The following PTP4A2 variants were observed in gnomAD, a reference collection of about 807,000 sequenced individuals.
The protein encoded by PTP4A2 is protein tyrosine phosphatase 4A2.
A neutral mutation model predicts 22.9 loss-of-function variants in PTP4A2; 2 were observed. The observed-to-expected ratio is 0.09, with a 90% CI of 0.04 to 0.27. The LOEUF (loss-of-function observed/expected upper bound fraction) is 0.27, where lower values mean the gene tolerates loss of function less well. PTP4A2 is among the 10% of genes least tolerant of loss of function. The probability of loss-of-function intolerance (pLI) is 1.00; values close to 1 mark genes in which losing one functional copy is unlikely to be tolerated. For synonymous variants in PTP4A2, 68 were observed against 69.1 expected (o/e 0.98, Z 0.08); for missense variants, 103 against 205.1 (o/e 0.50, Z 3.04).
At position 31,908,906 on chromosome 1, in the gene PTP4A2, T is replaced by C. The variant is rs1651383315; in HGVS notation, c.450A>G (p.Arg150=). ...CTCTGAAGCGTAATCGCATCTTAGG[T>C]CGGTATTTCTCCAAATAAAGCAGCT... The part of the protein sequence containing the change: ...SKQLLYLEKY[R]PKMRLRFRDT... Residue 150 remains arginine (R), a synonymous_variant, in exon 6 of 6, where the codon CGA becomes CGG. Coordinates refer to ENST00000647444, the MANE Select transcript of PTP4A2 (RefSeq NM_080391.4). 1 of 1,614,064 alleles carries C rather than the reference T, an allele frequency of 6.2e-7. No homozygotes were observed. Among genetic ancestry groups the C allele is most frequent in the Non-Finnish European group, 8.5e-7 (1 of 1,179,978 alleles).
At position 31,925,601 on chromosome 1, in the gene PTP4A2, T is replaced by C. The variant is rs373217047; in HGVS notation, c.-593-5943A>G. Reference sequence around the variant, plus strand: ...GGTGAAACCCCGTCTCCACTAAAAATACAAAAAAATTAGTCGGGTGTGGTG... The same window carrying C: ...GGTGAAACCCCGTCTCCACTAAAAACACAAAAAAATTAGTCGGGTGTGGTG... On this transcript the variant is annotated intron_variant, in intron 1 of 5. Transcript: ENST00000647444. Among the ~76,000 whole-genome samples, 565 of 151,596 alleles carry C rather than the reference T, an allele frequency of 3.7e-3. 3 individuals carry two copies. Among genetic ancestry groups the C allele is most frequent in the African/African-American group, 0.013 (522 of 41,262 alleles).
intron 1 of PTP4A2, among the ~76,000 whole-genome samples, chr1:31,929,827 A>G (rs942029449): frequency 6.6e-6 from 1 of 152,240 alleles, no homozygotes; most frequent in Non-Finnish European, 1.5e-5. Context: ...AGTAGTAAAA[A>G]TCCAAAAGAA....
chr1:31,922,622 CT>C (rs1553211689), intron 1 of PTP4A2, among the ~76,000 whole-genome samples: 1 of 111,020 alleles, frequency 9.0e-6, no homozygotes, highest in East Asian at 3.5e-4. Context: ...TTCTTTCTTT[CT>C]TTCTTTCTTT....
chr1:31,931,595 G>A (rs1229365977), intron 1 of PTP4A2, among the ~76,000 whole-genome samples: 3 of 152,242 alleles, frequency 2.0e-5, no homozygotes, highest in Non-Finnish European at 4.4e-5. Context: ...AACAGATAAC[G>A]AGTTTAACTA....
intron 1 of PTP4A2, among the ~76,000 whole-genome samples, chr1:31,928,678 CAG>C (rs1225827956): frequency 1.7e-5 from 2 of 116,020 alleles, no homozygotes; most frequent in African/African-American, 6.9e-5. Context: ...GCCTGGGTGA[CAG>C]AGTGAAACTC....
chr1:31,935,447 T>A (rs886545208), intron 1 of PTP4A2: 3 of 152,208 alleles, frequency 2.0e-5, no homozygotes, highest in African/African-American at 7.2e-5. Context: ...GGCCATCACG[T>A]TGATGAGAAA....
At chr1:31,932,815 T>C (rs1457442655) in intron 1 of PTP4A2, 10 of 151,242 alleles carry the variant, frequency 6.6e-5, no homozygotes, top group Admixed American at 6.6e-4. Flanking sequence ...AAAAAGATTT[T>C]CACACAATAT....
chr1:31,935,100 C>T (rs1364562127), intron 1 of PTP4A2, among the ~76,000 whole-genome samples: 8 of 152,214 alleles, frequency 5.3e-5, no homozygotes, highest in Admixed American at 3.9e-4. Flanking sequence ...AAGTGTCCCA[C>T]ACAGCTCAAC....
chr1:31,928,173 T>C (rs957340804), intron 1 of PTP4A2, among the ~76,000 whole-genome samples: 1 of 147,388 alleles, frequency 6.8e-6, no homozygotes. Flanking sequence ...ATATTATATA[T>C]AACAAATATA....
intron 1 of PTP4A2, 98 bp from the exon 2 acceptor site, chr1:31,919,756 A>T (rs1369499243): frequency 6.6e-6 from 1 of 152,440 alleles, no homozygotes; most frequent in Non-Finnish European, 1.5e-5. Flanking sequence ...GCCCAAAGCG[A>T]TGTGAAATGT....
chr1:31,925,438 A>C (rs1177039206), intron 1 of PTP4A2, among the ~76,000 whole-genome samples: 1 of 152,190 alleles, frequency 6.6e-6, no homozygotes, highest in Non-Finnish European at 1.5e-5. Flanking sequence ...TGCCTTGGCA[A>C]CTGTAATTCT....
At chr1:31,910,169 A>T (rs529915055) in intron 4 of PTP4A2, 57 bp from the exon 5 acceptor site, 1 of 1,367,928 alleles carries the variant, frequency 7.3e-7, no homozygotes, top group Admixed American at 1.8e-5. Context: ...AAGGATTTTT[A>T]AAAACCTGTA....
intron 1 of PTP4A2, among the ~76,000 whole-genome samples, chr1:31,926,196 T>C (rs1272413283): frequency 1.3e-5 from 2 of 149,180 alleles, no homozygotes; most frequent in Non-Finnish European, 3.0e-5. Flanking sequence ...TCCACTCACA[T>C]CAGGATTTCT....
At chr1:31,912,209 A>C (rs531876232) in intron 3 of PTP4A2, among the ~76,000 whole-genome samples, 4 of 152,362 alleles carry the variant, frequency 2.6e-5, no homozygotes, top group Admixed American at 2.6e-4. Flanking sequence ...ACATGATTTA[A>C]AAGTCCACTC....
intron 4 of PTP4A2, 173 bp from the exon 5 acceptor site, chr1:31,910,285 A>G: frequency 2.2e-6 from 1 of 445,596 alleles, no homozygotes; most frequent in Non-Finnish European, 4.0e-6. Context: ...TAATTCTATG[A>G]TTTTTTTTTT....
intron 3 of PTP4A2, chr1:31,913,731 C>G: frequency 2.2e-6 from 1 of 446,580 alleles, no homozygotes; most frequent in Admixed American, 2.5e-5. Context: ...CTACCATTAT[C>G]TTCCTCAAAC....
chr1:31,916,788 A>C (rs1202299601), intron 2 of PTP4A2, among the ~76,000 whole-genome samples: 1 of 152,226 alleles, frequency 6.6e-6, no homozygotes, highest in Non-Finnish European at 1.5e-5. Context: ...TTTAAAAAAT[A>C]TATAGTGTGA....
intron 1 of PTP4A2, chr1:31,933,000 AT>A (rs560431792): frequency 1.3e-5 from 2 of 151,362 alleles, no homozygotes; most frequent in Non-Finnish European, 2.9e-5. Flanking sequence ...TGGTGAAAAG[AT>A]TTTTTCTTTT....
intron 1 of PTP4A2, among the ~76,000 whole-genome samples, chr1:31,922,378 G>C (rs1168566064): frequency 6.6e-6 from 1 of 152,202 alleles, no homozygotes; most frequent in Non-Finnish European, 1.5e-5. Flanking sequence ...ACCTACTCGG[G>C]AGGCTGAGGC....
Sources: allele counts gnomAD v4.1 joint callset (sites outside exome capture counted in the v4.1 genomes callset), GRCh38; gene constraint gnomAD v4.1.1; transcripts MANE v1.5; gene names NCBI Gene and HGNC (gene_info 2026-07-23, HGNC 2026-07-21).